Variants in TUSC3 observed in about 807,000 individuals in gnomAD.
TUSC3 encodes the protein dolichyl-diphosphooligosaccharide--protein glycosyltransferase subunit TUSC3.
Under a neutral mutation model 44.8 loss-of-function variants are expected in TUSC3, and 45 were observed. The ratio of observed to expected loss-of-function variants is 1.00; its 90% CI spans 0.79 to 1.29. The LOEUF (loss-of-function observed/expected upper bound fraction) is 1.29. Ranked by LOEUF, TUSC3 falls within the 50% of genes most tolerant of loss-of-function variation. The pLI is 0.00. For synonymous variants in TUSC3, 212 were observed against 152.9 expected, an observed-to-expected ratio of 1.39 and a Z score of -2.85; for missense variants, 519 against 437.9, an observed-to-expected ratio of 1.19 and a Z score of -1.65.
At chr8:15,701,577 A>T (rs976615674) in intron 6 of TUSC3, among the ~76,000 whole-genome samples, 1 of 152,140 alleles carries the variant, frequency 6.6e-6, no homozygotes, top group Non-Finnish European at 1.5e-5. Flanking sequence ...AGAGATGTTG[A>T]ATTACCCACA....
At chr8:15,801,612 C>G in the TUSC3 span, among the ~76,000 whole-genome samples, 1 of 151,976 alleles carries the variant, frequency 6.6e-6, no homozygotes, top group Non-Finnish European at 1.5e-5. Context: ...AAATTGGAGG[C>G]AGTATATGGC....
At chr8:15,713,222 C>G in intron 6 of TUSC3, among the ~76,000 whole-genome samples, 1 of 152,084 alleles carries the variant, frequency 6.6e-6, no homozygotes, top group East Asian at 1.9e-4. Context: ...CCAAAGGTAA[C>G]AGTGGTTTAC....
chr8:15,478,703 C>G (rs764379258), intron 1 of TUSC3, among the ~76,000 whole-genome samples: 2 of 152,086 alleles, frequency 1.3e-5, no homozygotes, highest in Non-Finnish European at 1.5e-5. Flanking sequence ...TGTGTTGGTT[C>G]TATGTCTTTG....
At chr8:15,807,481 A>G in the TUSC3 span, among the ~76,000 whole-genome samples, 2 of 152,100 alleles carry the variant, frequency 1.3e-5, no homozygotes, top group African/African-American at 4.8e-5. Context: ...AAAGAATGTA[A>G]AACAGAACTA....
chr8:15,761,101 CAG>C (rs1812152516), intron 10 of TUSC3, among the ~76,000 whole-genome samples: 3 of 152,150 alleles, frequency 2.0e-5, no homozygotes, highest in Admixed American at 2.0e-4. Flanking sequence ...CTGATTGAAA[CAG>C]ACTTTTGGGG....
intron 7 of TUSC3, among the ~76,000 whole-genome samples, chr8:15,732,769 A>G (rs1189064373): frequency 6.6e-6 from 1 of 152,176 alleles, no homozygotes; most frequent in African/African-American, 2.4e-5. Context: ...AATCGCGTTT[A>G]TATTGCAGGA....
At chr8:15,756,973 A>C (rs1811953034) in intron 9 of TUSC3, among the ~76,000 whole-genome samples, 4 of 152,114 alleles carry the variant, frequency 2.6e-5, no homozygotes, top group Non-Finnish European at 5.9e-5. Context: ...TGTCTCTACA[A>C]AAAATTTAAA....
chr8:15,420,122 G>C (rs1295735349), intron 1 of TUSC3, among the ~76,000 whole-genome samples: 2 of 152,062 alleles, frequency 1.3e-5, no homozygotes, highest in Non-Finnish European at 1.5e-5. Flanking sequence ...ATGGAGTATT[G>C]TGGTGGCCTT....
the TUSC3 span, among the ~76,000 whole-genome samples, chr8:15,794,282 C>G: frequency 1.3e-5 from 2 of 151,962 alleles, no homozygotes; most frequent in Admixed American, 6.6e-5. Context: ...ATAAGTCTTT[C>G]CACAATAACA....
At chr8:15,549,555 A>G (rs542556010) in intron 1 of TUSC3, among the ~76,000 whole-genome samples, 1 of 151,872 alleles carries the variant, frequency 6.6e-6, no homozygotes, top group African/African-American at 2.4e-5. Context: ...ATGAAATACA[A>G]AGAGTCATTT....
At position 15,636,245 on chromosome 8, in the gene TUSC3, A is replaced by G. The variant is rs75542770; in HGVS notation, c.308+12996A>G. On this transcript the variant is annotated intron_variant, in intron 2 of 10. Transcript: ENST00000503731. ...AATCATCAGTTACTCAGGCCTGGGC[A>G]TTTAGGGAACCTCTGTGAATTGAGG... Among the ~76,000 whole-genome samples, 674 of 152,240 alleles carry G rather than the reference A, an allele frequency of 4.4e-3. 39 individuals carry two copies. The East Asian group carries it at 0.12, about 27-fold the overall frequency.
chr8:15,584,530 A>C (rs950644264), intron 1 of TUSC3, among the ~76,000 whole-genome samples: 2 of 152,238 alleles, frequency 1.3e-5, no homozygotes, highest in African/African-American at 4.8e-5. Flanking sequence ...TAACAAGAGC[A>C]ATATAAGTGC....
Position 15,496,171 on chromosome 8 carries a change from C to G in TUSC3, n.189+12688C>G, listed in dbSNP as rs112854372. Among the ~76,000 whole-genome samples the G allele has an allele frequency of 4.7e-4, 72 of 152,282 alleles. 1 individual carries two copies. The highest frequency in any genetic ancestry group is 1.3e-3 in the African/African-American group (56 of 41,544). On this transcript the variant is annotated intron_variant and non_coding_transcript_variant, in intron 2 of 5. Coordinates refer to the TUSC3 transcript ENST00000503191. ...CTATACGTCCTTGATAAATGATGTA[C>G]TCTCTGGGTCTCACTGTAGCACAAA...
chr8:15,663,066 A>G (rs968308050), intron 5 of TUSC3, among the ~76,000 whole-genome samples: 2 of 151,918 alleles, frequency 1.3e-5, no homozygotes, highest in African/African-American at 2.4e-5. Context: ...CCCAGCTCAC[A>G]GCCAATAGCC....
At chr8:15,683,840 C>G (rs1414307790) in intron 6 of TUSC3, among the ~76,000 whole-genome samples, 1 of 151,984 alleles carries the variant, frequency 6.6e-6, no homozygotes, top group African/African-American at 2.4e-5. Context: ...GAAGGTTTGA[C>G]TATGGTATAT....
At chr8:15,441,388 G>A (rs1326799008) in intron 1 of TUSC3, among the ~76,000 whole-genome samples, 4 of 152,036 alleles carry the variant, frequency 2.6e-5, no homozygotes, top group Non-Finnish European at 5.9e-5. Context: ...GGCTGGGTGA[G>A]ACAGCGAGAC....
At chr8:15,833,637 G>T in the TUSC3 span, among the ~76,000 whole-genome samples, 1 of 152,078 alleles carries the variant, frequency 6.6e-6, no homozygotes, top group African/African-American at 2.4e-5. Context: ...GCTAAATTAT[G>T]AGAACACATG....
Position 15,717,916 on chromosome 8 carries a change from T to C in TUSC3, c.799-12750T>C, listed in dbSNP as rs79623679. Among the ~76,000 whole-genome samples the C allele has an allele frequency of 3.3e-3, 498 of 152,210 alleles. 8 individuals carry two copies. In the East Asian group the frequency reaches 0.035, roughly 11 times the overall value. On this transcript the variant is annotated intron_variant, in intron 6 of 10. Coordinates refer to ENST00000503731, the MANE Select transcript of TUSC3 (RefSeq NM_006765.4). Reference sequence around the variant, plus strand: ...CAAAATACTTAAAAGAGAATGAAGATTCTATTTTGCCTTGCATGATTAGAC... The same window carrying C: ...CAAAATACTTAAAAGAGAATGAAGACTCTATTTTGCCTTGCATGATTAGAC...
At chr8:15,837,786 G>A in the TUSC3 span, among the ~76,000 whole-genome samples, 2 of 152,018 alleles carry the variant, frequency 1.3e-5, no homozygotes, top group African/African-American at 4.8e-5. Flanking sequence ...ACCATTTTCT[G>A]GTGAGTATTC....
Sources: gnomAD v4.1 joint callset for allele counts (sites outside exome capture counted in the v4.1 genomes callset) on GRCh38, gnomAD v4.1.1 for gene constraint, MANE v1.5 for transcripts, NCBI Gene and HGNC (gene_info 2026-07-23, HGNC 2026-07-21) for gene names.